ADGRF5: variants seen among roughly 807,000 people sequenced by gnomAD.
ADGRF5 encodes the protein G-protein coupled receptor 116.
In ADGRF5, 75 loss-of-function variants were observed where a neutral mutation model predicts 132.3. The ratio of observed to expected loss-of-function variants is 0.57; its 90% CI spans 0.47 to 0.69. The LOEUF is 0.69. Ranked by LOEUF, ADGRF5 falls within the 30% of genes least tolerant of loss-of-function variation. ADGRF5 has a pLI of 0.00. For synonymous variants in ADGRF5, 629 were observed against 597.6 expected (o/e 1.05, Z -0.77); for missense variants, 1,516 against 1,630.6 (o/e 0.93, Z 1.21).
At chr6:46,948,023 C>T (rs1186359298) in intron 1 of ADGRF5, among the ~76,000 whole-genome samples, 1 of 152,052 alleles carries the variant, frequency 6.6e-6, no homozygotes, top group Non-Finnish European at 1.5e-5. Flanking sequence ...GACCTGAGAC[C>T]CACCTCTTCA....
At chr6:46,919,981 T>C (rs1776774040) in intron 1 of ADGRF5, among the ~76,000 whole-genome samples, 1 of 152,184 alleles carries the variant, frequency 6.6e-6, no homozygotes, top group East Asian at 1.9e-4. Flanking sequence ...AGGCCACCTT[T>C]TTACAGAAGA....
rs984864762 is a variant in ADGRF5 at position 46,859,513 on chromosome 6, G to C, written c.2390C>G (p.Ser797Cys). The change falls in exon 17 of 21, where the codon TCT (serine) becomes TGT (cysteine). Residue 797 changes from serine (S) to cysteine (C), a missense_variant. By Grantham distance (112) the Ser-to-Cys change is moderately radical. Coordinates refer to ENST00000283296, the MANE Select transcript of ADGRF5 (RefSeq NM_001098518.2). ...CTTGCCAAGGATGACATTAACCGTAGAGAGCACGTGCTGAAAGTGAAATGG... is the reference window on the plus strand; with the variant it reads ...CTTGCCAAGGATGACATTAACCGTACAGAGCACGTGCTGAAAGTGAAATGG... ...VNSEMMTHVLSTVNVILGKPV... is the reference protein window; with the variant it reads ...VNSEMMTHVLCTVNVILGKPV... The C allele has an allele frequency of 1.9e-6, 3 of 1,602,946 alleles. No homozygotes were observed. The highest frequency in any genetic ancestry group is 2.7e-5 in the African/African-American group (2 of 74,722).
chr6:46,941,465 A>AGAAAAG lies in ADGRF5; in HGVS notation c.-25+13268_-25+13269insCTTTTC, dbSNP rs1561839038. 9.8e-5 allele frequency among the ~76,000 whole-genome samples: 4 copies of AGAAAAG among 40,612 alleles called. 1 individual carries two copies. Among genetic ancestry groups the AGAAAAG allele is most frequent in the African/African-American group, 2.7e-4 (4 of 14,588 alleles). The allele number at this position is 40,612 out of a possible 152,430, so 26.6% of individuals were successfully genotyped here. A position where few individuals can be genotyped will look rare whatever the true frequency, so the allele number is the denominator to read the frequency against. On this transcript the variant is annotated intron_variant, in intron 1 of 20. Transcript: ENST00000265417. ...AGAAAAGAAAAGAAAAGAAAAGAAAAGAAAGAAAAGAAAAGAAAAGAAAGA... is the reference window on the plus strand; with the variant it reads ...AGAAAAGAAAAGAAAAGAAAAGAAAAGAAAAGGAAAGAAAAGAAAAGAAAAGAAAGA...
At chr6:46,877,271 CTTT>C (rs1771824824) in intron 10 of ADGRF5, among the ~76,000 whole-genome samples, 1 of 42,996 alleles carries the variant, frequency 2.3e-5, no homozygotes, top group South Asian at 5.8e-4. Context: ...TTCTTTCTTT[CTTT>C]CTTTCTTTCT....
intron 1 of ADGRF5, among the ~76,000 whole-genome samples, chr6:46,910,424 T>G (rs1376675059): frequency 1.3e-5 from 2 of 152,168 alleles, no homozygotes; most frequent in Non-Finnish European, 2.9e-5. Flanking sequence ...TGAAAATGAA[T>G]GTAGGAGTCC....
intron 20 of ADGRF5, 67 bp downstream of exon 20, chr6:46,855,907 G>A (rs1768981257): frequency 1.1e-6 from 1 of 900,486 alleles, no homozygotes. Context: ...GAGTAGGGGT[G>A]TTGAGGCTCC....
rs779661188 is a variant in ADGRF5, at chr6:46,854,060, CATT to C, written c.3970_3972del (p.Asn1324del). On this transcript the variant is annotated inframe_deletion, in exon 21 of 21. Coordinates refer to ENST00000283296, the MANE Select transcript of ADGRF5 (RefSeq NM_001098518.2). ...GAGCTGGTTGCTTCTGGGGTGGAAA[CATT>C]ATACGTTCCTGAAAAACAGAGCAGC... 1 of 1,597,458 alleles carries C rather than the reference CATT, an allele frequency of 6.3e-7. No individual in the cohort carries two copies. Among genetic ancestry groups the C allele is most frequent in the Non-Finnish European group, 8.5e-7 (1 of 1,174,100 alleles).
intron 1 of ADGRF5, among the ~76,000 whole-genome samples, chr6:46,920,817 C>T (rs746056611): frequency 4.6e-5 from 7 of 151,978 alleles, no homozygotes; most frequent in Admixed American, 1.3e-4. Flanking sequence ...GAACCAAGAT[C>T]GTGCCACTGC....
At chr6:46,877,206 G>A (rs888569316) in intron 10 of ADGRF5, among the ~76,000 whole-genome samples, 1 of 151,906 alleles carries the variant, frequency 6.6e-6, no homozygotes, top group African/African-American at 2.4e-5. Flanking sequence ...GACCTTTGGT[G>A]AGTCCTAATT....
chr6:46,880,853 G>T (rs1183240322), intron 8 of ADGRF5, among the ~76,000 whole-genome samples: 1 of 152,104 alleles, frequency 6.6e-6, no homozygotes, highest in African/African-American at 2.4e-5. Context: ...CACTTTGGGA[G>T]GCTAAGGTGG....
At position 46,859,024 on chromosome 6, in the gene ADGRF5, C is replaced by T; in HGVS notation, c.2879G>A (p.Arg960Lys). 6.2e-7 allele frequency: 1 copy of T among 1,614,176 alleles called. No homozygotes were observed. Among genetic ancestry groups the T allele is most frequent in the South Asian group, 1.1e-5 (1 of 91,086 alleles). The stretch of plus-strand genomic sequence containing the variant: ...CCACCCCCCTGTGTTGTTGGCAAGC[C>T]TGAAGTTCCAGAAGACACACTTCGT... ...GETKCVFWNF[R>K]LANNTGGWDS... Residue 960 changes from arginine to lysine, a missense_variant, in exon 17 of 21, where the codon AGG (arginine) becomes AAG (lysine). Physicochemically the swap from Arg to Lys is conservative, Grantham distance 26. Transcript: ENST00000283296.
At chr6:46,914,439 C>G (rs1347921691) in intron 1 of ADGRF5, among the ~76,000 whole-genome samples, 1 of 152,140 alleles carries the variant, frequency 6.6e-6, no homozygotes, top group Non-Finnish European at 1.5e-5. Flanking sequence ...AATTAAAGAA[C>G]TGCCTTGAAG....
chr6:46,945,649 C>G (rs115255098), intron 1 of ADGRF5, among the ~76,000 whole-genome samples: 2 of 152,176 alleles, frequency 1.3e-5, no homozygotes, highest in African/African-American at 2.4e-5. Flanking sequence ...ATGGGGTGAC[C>G]TGTGAAAAGG....
At chr6:46,858,105 A>G in intron 17 of ADGRF5, 24 bp downstream of exon 17, 1 of 1,536,828 alleles carries the variant, frequency 6.5e-7, no homozygotes, top group East Asian at 2.3e-5. Context: ...AATCTTCCTG[A>G]AAGCTCCGCA....
intron 8 of ADGRF5, among the ~76,000 whole-genome samples, chr6:46,880,899 T>G (rs1772385334): frequency 6.6e-6 from 1 of 151,930 alleles, no homozygotes; most frequent in Non-Finnish European, 1.5e-5. Flanking sequence ...GAGACCAGCC[T>G]GGGCAACATA....
chr6:46,867,417 A>G (rs890801595), intron 12 of ADGRF5, among the ~76,000 whole-genome samples: 2 of 152,214 alleles, frequency 1.3e-5, no homozygotes, highest in African/African-American at 4.8e-5. Context: ...GCAAAATTGG[A>G]TTTCAAACCA....
chr6:46,903,394 G>A (rs220696), intron 2 of ADGRF5: 55,341 of 152,172 alleles, frequency 0.36, 12,307 homozygotes, highest in Non-Finnish European at 0.48. Flanking sequence ...AGCTTCAGCC[G>A]GAAAAGACAA....
At chr6:46,920,519 T>C (rs1477549073) in intron 1 of ADGRF5, among the ~76,000 whole-genome samples, 1 of 44,514 alleles carries the variant, frequency 2.2e-5, no homozygotes, top group Non-Finnish European at 4.2e-5. Flanking sequence ...ATTGATAGAA[T>C]AATATTTGGG....
chr6:46,860,700 G>A lies in ADGRF5; in HGVS notation c.2379+15C>T. On this transcript the variant is annotated intron_variant, in intron 16 of 20. Transcript: ENST00000283296. ...GGTAAGACCCAAAACTCCTGCAAAG[G>A]TTAAGCAAACTCACCGTCATCATTT... The A allele has an allele frequency of 6.2e-7, 1 of 1,604,090 alleles. No individual in the cohort carries two copies. The highest frequency in any genetic ancestry group is 2.2e-5 in the East Asian group (1 of 44,708).
Sources: gnomAD v4.1 joint callset for allele counts (sites outside exome capture counted in the v4.1 genomes callset) on GRCh38, gnomAD v4.1.1 for gene constraint, MANE v1.5 for transcripts, NCBI Gene and HGNC (gene_info 2026-07-23, HGNC 2026-07-21) for gene names.